The following NEGR1 variants were observed in gnomAD, a reference collection of about 807,000 sequenced individuals.
The protein encoded by NEGR1 is neuronal growth regulator 1, also known as IgLON family member 4.
Under a neutral mutation model 40.9 loss-of-function variants are expected in NEGR1, and 10 were observed. That is an observed-to-expected ratio of 0.24 (90% confidence interval 0.15 to 0.42). The LOEUF (loss-of-function observed/expected upper bound fraction) is 0.42. Among genes scored for constraint, NEGR1 ranks in the 10% least tolerant of loss-of-function variants. The probability of loss-of-function intolerance (pLI) is 1.00; values close to 1 mark genes in which losing one functional copy is unlikely to be tolerated. For synonymous variants in NEGR1, 185 were observed against 166.8 expected, an observed-to-expected ratio of 1.11 and a Z score of -0.84; for missense variants, 352 against 438.9, an observed-to-expected ratio of 0.80 and a Z score of 1.77.
At chr1:71,921,477 T>G (rs1645716238) in intron 2 of NEGR1, among the ~76,000 whole-genome samples, 1 of 152,032 alleles carries the variant, frequency 6.6e-6, no homozygotes, top group Non-Finnish European at 1.5e-5. Flanking sequence ...CTCCTCTGCT[T>G]TAGCCTATTC....
At chr1:71,574,531 T>C (rs1467892983) in intron 6 of NEGR1, among the ~76,000 whole-genome samples, 1 of 152,166 alleles carries the variant, frequency 6.6e-6, no homozygotes, top group Admixed American at 6.5e-5. Context: ...CTACCTTTTC[T>C]TTCTGGAATA....
rs149722960 is a variant in NEGR1 at position 72,253,723 on chromosome 1, A to G, written c.176+28596T>C. 3.0e-4 allele frequency among the ~76,000 whole-genome samples: 46 copies of G among 152,326 alleles called. No individual in the cohort carries two copies. The East Asian group carries it at 8.5e-3, about 28-fold the overall frequency. ...ATAAAGTATAGGAAAAACTAATCCA[A>G]TGATGGATGCATTTAATTGAAATCA... On this transcript the variant is annotated intron_variant, in intron 1 of 6. Transcript: ENST00000357731.
chr1:71,954,843 C>T (rs969484486), intron 1 of NEGR1, among the ~76,000 whole-genome samples: 17 of 152,030 alleles, frequency 1.1e-4, no homozygotes, highest in African/African-American at 4.1e-4. Flanking sequence ...CAGCCACACA[C>T]AGCTATGATC....
At chr1:71,502,122 G>A (rs957237914) in intron 6 of NEGR1, among the ~76,000 whole-genome samples, 1 of 152,066 alleles carries the variant, frequency 6.6e-6, no homozygotes, top group Non-Finnish European at 1.5e-5. Flanking sequence ...TCTAAGTACC[G>A]GCAGCCACCC....
chr1:71,635,416 CA>C (rs1392527189), intron 4 of NEGR1, among the ~76,000 whole-genome samples: 2 of 151,950 alleles, frequency 1.3e-5, no homozygotes, highest in Admixed American at 6.6e-5. Flanking sequence ...GGACATATTG[CA>C]GCAATTGAGG....
At chr1:71,654,437 G>A (rs986405459) in intron 4 of NEGR1, among the ~76,000 whole-genome samples, 38 of 152,002 alleles carry the variant, frequency 2.5e-4, no homozygotes, top group African/African-American at 9.2e-4. Flanking sequence ...GGAAGTAGAG[G>A]GAGCATATGA....
intron 2 of NEGR1, among the ~76,000 whole-genome samples, chr1:71,909,313 G>C (rs1011838610): frequency 6.6e-6 from 1 of 151,966 alleles, no homozygotes; most frequent in East Asian, 1.9e-4. Context: ...AGACAACATA[G>C]GACTGAAAAA....
intron 1 of NEGR1, among the ~76,000 whole-genome samples, chr1:72,103,315 G>A (rs1173894463): frequency 6.6e-6 from 1 of 151,972 alleles, no homozygotes; most frequent in Non-Finnish European, 1.5e-5. Flanking sequence ...TCCTTCTTTT[G>A]TTTGATGGGA....
chr1:71,517,676 A>T (rs1404598397), intron 6 of NEGR1, among the ~76,000 whole-genome samples: 1 of 138,536 alleles, frequency 7.2e-6, no homozygotes, highest in Admixed American at 7.3e-5. Context: ...CAAGACAAGG[A>T]TGCCCTCTCT....
chr1:71,653,526 T>C (rs1422880301), intron 4 of NEGR1, among the ~76,000 whole-genome samples: 1 of 152,194 alleles, frequency 6.6e-6, no homozygotes, highest in Non-Finnish European at 1.5e-5. Flanking sequence ...TTGATTTTCA[T>C]TTATTGTGTT....
In NEGR1 at chr1:71,681,693, G is replaced by A. The variant is rs140698632; in HGVS notation, c.667+16315C>T. On this transcript the variant is annotated intron_variant, in intron 4 of 6. Transcript: ENST00000357731. ...TCTTTGAATATTGCCTATTTCCCAC[G>A]TCCCTGTACTTTCTAATATGTCCTA... Among the ~76,000 whole-genome samples, 1,049 of 152,114 alleles carry A rather than the reference G, an allele frequency of 6.9e-3. 12 individuals are homozygous for A. Among genetic ancestry groups the A allele is most frequent in the African/African-American group, 0.024 (979 of 41,486 alleles).
intron 2 of NEGR1, among the ~76,000 whole-genome samples, chr1:71,828,825 G>GA (rs1327283627): frequency 4.0e-5 from 6 of 151,636 alleles, no homozygotes; most frequent in South Asian, 4.1e-4. Flanking sequence ...CTCCTTCAAG[G>GA]AAAAAAAGGT....
intron 3 of NEGR1, among the ~76,000 whole-genome samples, chr1:71,718,961 T>C (rs1654366196): frequency 6.6e-6 from 1 of 152,236 alleles, no homozygotes; most frequent in African/African-American, 2.4e-5. Context: ...TAAGGTTTTC[T>C]GTTGTGAGCA....
intron 4 of NEGR1, among the ~76,000 whole-genome samples, chr1:71,655,692 T>C (rs1651852911): frequency 6.6e-6 from 1 of 152,172 alleles, no homozygotes; most frequent in Non-Finnish European, 1.5e-5. Flanking sequence ...GATAGAATGG[T>C]AAACAAGACA....
In NEGR1 at chr1:71,491,774, C is replaced by T. The variant is rs557108847; in HGVS notation, c.941-84204G>A. On this transcript the variant is annotated intron_variant, in intron 6 of 6. Transcript: ENST00000357731. ...CAAAATGGAGAAACAGGACACACAC[C>T]AAATGTATAAAACAGAAAATAAGAC... is the stretch of plus-strand genomic sequence containing the variant. Among the ~76,000 whole-genome samples, 16 of 151,960 alleles carry T rather than the reference C, an allele frequency of 1.1e-4. 1 individual carries two copies. The highest frequency in any genetic ancestry group is 2.2e-4 in the Non-Finnish European group (15 of 67,966).
chr1:72,156,971 T>TGTTGTTGTC (rs1557554820), intron 1 of NEGR1, among the ~76,000 whole-genome samples: 4 of 148,636 alleles, frequency 2.7e-5, no homozygotes, highest in Non-Finnish European at 4.5e-5. Flanking sequence ...TGTTGTCTGT[T>TGTTGTTGTC]TGTGTGTTTT....
At chr1:71,494,082 T>C (rs1222178039) in intron 6 of NEGR1, among the ~76,000 whole-genome samples, 12 of 152,210 alleles carry the variant, frequency 7.9e-5, no homozygotes, top group Admixed American at 7.2e-4. Context: ...GTCTGGCTTT[T>C]GCCTTCAGCT....
chr1:71,458,666 A>G (rs932254134), intron 6 of NEGR1, among the ~76,000 whole-genome samples: 2 of 152,140 alleles, frequency 1.3e-5, no homozygotes, highest in African/African-American at 4.8e-5. Flanking sequence ...TCTGGCATAT[A>G]TGGCACATAA....
chr1:72,033,107 A>C (rs1646873479), intron 1 of NEGR1, among the ~76,000 whole-genome samples: 1 of 152,142 alleles, frequency 6.6e-6, no homozygotes, highest in African/African-American at 2.4e-5. Context: ...GAAAAGTCCA[A>C]ATATAATAGC....
Sources: allele counts gnomAD v4.1 joint callset (sites outside exome capture counted in the v4.1 genomes callset), GRCh38; gene constraint gnomAD v4.1.1; transcripts MANE v1.5; gene names NCBI Gene and HGNC (gene_info 2026-07-23, HGNC 2026-07-21).